The following CWC27 variants were observed in gnomAD, a reference collection of about 807,000 sequenced individuals.
The protein encoded by CWC27 is CWC27 spliceosome associated cyclophilin.
A neutral mutation model predicts 63.6 loss-of-function variants in CWC27; 47 were observed. That is an observed-to-expected ratio of 0.74 (90% CI 0.58 to 0.94). The LOEUF is 0.94. Among genes scored for constraint, CWC27 ranks in the 40% least tolerant of loss-of-function variants. The pLI, the probability that CWC27 is intolerant of heterozygous loss-of-function variation, is 0.00. For missense variants in CWC27, 495 were observed against 554.3 expected (o/e 0.89, Z 1.07); for synonymous variants, 175 against 179.8 (o/e 0.97, Z 0.22).
At chr5:64,893,277 G>T (rs1176807197) in intron 11 of CWC27, among the ~76,000 whole-genome samples, 1 of 152,138 alleles carries the variant, frequency 6.6e-6, no homozygotes, top group Non-Finnish European at 1.5e-5. Context: ...ATTTTCTGAG[G>T]TTTTGCCAAA....
At chr5:64,810,208 T>A (rs192056128) in intron 10 of CWC27, among the ~76,000 whole-genome samples, 2 of 152,180 alleles carry the variant, frequency 1.3e-5, no homozygotes, top group African/African-American at 4.8e-5. Flanking sequence ...TGACTGTAAA[T>A]ACCTGAGTTT....
intron 2 of CWC27, among the ~76,000 whole-genome samples, chr5:64,779,420 C>G (rs932099059): frequency 6.6e-6 from 1 of 152,160 alleles, no homozygotes; most frequent in African/African-American, 2.4e-5. Context: ...GTACTTCATA[C>G]TACATATGTT....
At chr5:64,856,490 G>C (rs1746263443) in intron 10 of CWC27, among the ~76,000 whole-genome samples, 1 of 151,700 alleles carries the variant, frequency 6.6e-6, no homozygotes, top group African/African-American at 2.4e-5. Context: ...GTGTGTGTAT[G>C]TGTGTAGTTC....
intron 13 of CWC27, among the ~76,000 whole-genome samples, chr5:64,986,254 A>G (rs1396569693): frequency 6.6e-6 from 1 of 152,222 alleles, no homozygotes; most frequent in Admixed American, 6.5e-5. Flanking sequence ...TTAGTTTTGT[A>G]AGAAACTGCC....
chr5:64,830,726 A>G (rs1745495807), intron 10 of CWC27, among the ~76,000 whole-genome samples: 1 of 152,146 alleles, frequency 6.6e-6, no homozygotes, highest in Non-Finnish European at 1.5e-5. Flanking sequence ...AAACAAATTT[A>G]CAAGAAAAAA....
chr5:64,843,925 C>T (rs1433694771), intron 10 of CWC27, among the ~76,000 whole-genome samples: 2 of 152,138 alleles, frequency 1.3e-5, no homozygotes, highest in East Asian at 3.8e-4. Context: ...TGCTGCCCCT[C>T]CGCCACCCCG....
intron 13 of CWC27, among the ~76,000 whole-genome samples, chr5:65,006,357 G>T (rs1488534218): frequency 1.3e-5 from 2 of 152,052 alleles, no homozygotes; most frequent in African/African-American, 4.8e-5. Flanking sequence ...AGTTCTGAGA[G>T]GTCAGTATTG....
intron 10 of CWC27, 120 bp downstream of exon 10, chr5:64,804,506 A>G (rs141258299): frequency 3.5e-4 from 380 of 1,093,200 alleles, no homozygotes; most frequent in Admixed American, 1.5e-3. Flanking sequence ...TTTGATAAAC[A>G]TAACAGTTGT....
chr5:64,980,316 T>A (rs1749311442), intron 13 of CWC27, among the ~76,000 whole-genome samples: 1 of 152,164 alleles, frequency 6.6e-6, no homozygotes, highest in Admixed American at 6.5e-5. Flanking sequence ...TGAAACCGAT[T>A]AGACACATGG....
At chr5:64,824,325 T>C (rs1400050156) in intron 10 of CWC27, among the ~76,000 whole-genome samples, 1 of 152,214 alleles carries the variant, frequency 6.6e-6, no homozygotes, top group African/African-American at 2.4e-5. Flanking sequence ...GTATTTACAA[T>C]ATTAGAACTT....
At chr5:65,008,497 C>G (rs1268013494) in intron 13 of CWC27, among the ~76,000 whole-genome samples, 1 of 152,130 alleles carries the variant, frequency 6.6e-6, no homozygotes, top group Non-Finnish European at 1.5e-5. Flanking sequence ...TAAATTAGAA[C>G]TTTATCCGAC....
At position 64,801,373 on chromosome 5, in the gene CWC27, A is replaced by C. The variant is rs1022908907; in HGVS notation, c.780+41A>C. ...GGTATTAATATAGTTTGAACAATTC[A>C]TAGAAAGTACAAAATTTTTACAAAA... On this transcript the variant is annotated intron_variant, in intron 9 of 13. Transcript: ENST00000381070. 3 of 1,261,918 alleles carry C rather than the reference A, an allele frequency of 2.4e-6. No homozygotes were observed. The African/African-American group carries it at 4.8e-5, about 20-fold the overall frequency. The allele number at this position is 1,261,918 out of a possible 1,614,324, so 78.2% of individuals were successfully genotyped here. A position where few individuals can be genotyped will look rare whatever the true frequency, so the allele number is the denominator to read the frequency against.
intron 10 of CWC27, among the ~76,000 whole-genome samples, chr5:64,865,127 A>G (rs965576115): frequency 8.6e-5 from 13 of 151,772 alleles, no homozygotes; most frequent in Middle Eastern, 3.4e-3. Flanking sequence ...GGGCATTAAA[A>G]AAAAAAAAAC....
At chr5:64,825,955 A>C (rs1488842478) in intron 10 of CWC27, among the ~76,000 whole-genome samples, 8 of 152,252 alleles carry the variant, frequency 5.3e-5, no homozygotes, top group Non-Finnish European at 2.9e-5. Context: ...TCGTCTGTGA[A>C]TAGTAGCTTC....
intron 11 of CWC27, among the ~76,000 whole-genome samples, chr5:64,943,831 A>T (rs894817362): frequency 2.0e-5 from 3 of 152,146 alleles, no homozygotes; most frequent in Admixed American, 6.5e-5. Context: ...TTTTCATAGG[A>T]AAGAAAATCT....
At chr5:64,893,951 A>G (rs1747305632) in intron 11 of CWC27, among the ~76,000 whole-genome samples, 1 of 142,746 alleles carries the variant, frequency 7.0e-6, no homozygotes, top group African/African-American at 2.6e-5. Flanking sequence ...TTTTTCCTAG[A>G]TGGAATCTCG....
intron 11 of CWC27, among the ~76,000 whole-genome samples, chr5:64,920,947 GA>G (rs1747984532): frequency 6.6e-6 from 1 of 151,706 alleles, no homozygotes; most frequent in African/African-American, 2.4e-5. Flanking sequence ...TTTGCACCTT[GA>G]TTTTATTCAA....
chr5:64,807,438 TG>T (rs1744723125), intron 10 of CWC27, among the ~76,000 whole-genome samples: 1 of 152,220 alleles, frequency 6.6e-6, no homozygotes, highest in Admixed American at 6.5e-5. Context: ...TGTCTCTAGT[TG>T]TTCATTTGAA....
intron 11 of CWC27, among the ~76,000 whole-genome samples, 192 bp downstream of exon 11, chr5:64,885,738 T>TGTGTGTGTGTGTGTGTGTGTGTGTGTG (rs60595588): frequency 7.1e-6 from 1 of 141,392 alleles, no homozygotes; most frequent in Non-Finnish European, 1.5e-5. Context: ...TGTGTGTGTG[T>TGTGTGTGTGTGTGTGTGTGTGTGTGTG]TTTTAATACT....
Sources: gnomAD v4.1 joint callset for allele counts (sites outside exome capture counted in the v4.1 genomes callset) on GRCh38, gnomAD v4.1.1 for gene constraint, MANE v1.5 for transcripts, NCBI Gene and HGNC (gene_info 2026-07-23, HGNC 2026-07-21) for gene names.